Variants in MAP2K5 observed in about 807,000 individuals in gnomAD.
MAP2K5 encodes dual specificity mitogen-activated protein kinase kinase 5.
A neutral mutation model predicts 83.1 loss-of-function variants in MAP2K5; 49 were observed. That is an observed-to-expected ratio of 0.59 (90% CI 0.47 to 0.75). MAP2K5 has a LOEUF of 0.75. Among genes scored for constraint, MAP2K5 ranks in the 30% least tolerant of loss-of-function variants. The pLI, the probability that MAP2K5 is intolerant of heterozygous loss-of-function variation, is 0.00. For missense variants in MAP2K5, 457 were observed against 557.5 expected (o/e 0.82, Z 1.82); for synonymous variants, 202 against 191.8 (o/e 1.05, Z -0.44).
At position 67,777,009 on chromosome 15, in the gene MAP2K5, A is replaced by G. The variant is rs1388963031; in HGVS notation, c.1242+4257A>G. ...ATGTGGAGATGTTTCTTTTCATCCA[A>G]AAACAGGAATTCATGACTGCTACAT... is the stretch of plus-strand genomic sequence containing the variant. On this transcript the variant is annotated intron_variant, in intron 21 of 21. Coordinates refer to ENST00000178640, the MANE Select transcript of MAP2K5 (RefSeq NM_145160.3). The surrounding 1 kb of genome is among the most constrained non-coding windows in gnomAD (Gnocchi z 6.0). Among the ~76,000 whole-genome samples, 1 of 152,214 alleles carries G rather than the reference A, an allele frequency of 6.6e-6. No individual in the cohort carries two copies. The highest frequency in any genetic ancestry group is 1.5e-5 in the Non-Finnish European group (1 of 68,044).
intron 5 of MAP2K5, 48 bp from the exon 6 acceptor site, chr15:67,586,798 T>A: frequency 6.5e-7 from 1 of 1,547,122 alleles, no homozygotes; most frequent in Non-Finnish European, 8.9e-7. Flanking sequence ...TAATTAGAAC[T>A]GTGTCCTCAG....
intron 2 of MAP2K5, among the ~76,000 whole-genome samples, chr15:67,557,210 G>A (rs1225299435): frequency 6.6e-6 from 1 of 152,168 alleles, no homozygotes; most frequent in East Asian, 1.9e-4. Context: ...TGTTACTTGT[G>A]TTCCTCTGCC....
intron 21 of MAP2K5, among the ~76,000 whole-genome samples, chr15:67,792,389 A>G (rs569495591): frequency 7.9e-5 from 12 of 152,178 alleles, no homozygotes; most frequent in Non-Finnish European, 1.3e-4. Flanking sequence ...CAGGGGTTAA[A>G]TCTGTCTTTG....
At chr15:67,804,935 G>C (rs1597001769) in intron 21 of MAP2K5, among the ~76,000 whole-genome samples, 1 of 152,132 alleles carries the variant, frequency 6.6e-6, no homozygotes, top group East Asian at 1.9e-4. Context: ...GTCCTTCCTG[G>C]GCCTCTCCTG....
chr15:67,679,569 ATCTT>A (rs1256049708), intron 13 of MAP2K5: 1 of 152,196 alleles, frequency 6.6e-6, no homozygotes, highest in African/African-American at 2.4e-5. Context: ...TAAAATTAAT[ATCTT>A]TCTTTAAATA....
At chr15:67,550,777 C>CT (rs11334748) in intron 2 of MAP2K5, among the ~76,000 whole-genome samples, 4 of 135,760 alleles carry the variant, frequency 2.9e-5, no homozygotes, top group East Asian at 2.1e-4. Flanking sequence ...TTTCTTTTTT[C>CT]TTTTTTTTTT....
rs754724868 is a variant in MAP2K5, at chr15:67,628,143, G to A, written c.546-2745G>A. The A allele has an allele frequency of 1.9e-4, 185 of 974,204 alleles. 1 individual carries two copies. Among genetic ancestry groups the A allele is most frequent in the African/African-American group, 4.3e-4 (26 of 60,848 alleles). 60.3% of individuals were successfully genotyped at this position (974,204 alleles called of 1,614,324 possible). A position where few individuals can be genotyped will look rare whatever the true frequency, so the allele number is the denominator to read the frequency against. On this transcript the variant is annotated intron_variant, in intron 8 of 21. Transcript: ENST00000178640. Reference sequence around the variant, plus strand: ...CTCAAGAGGAGATTCTCAAAGACCCGGTGCCCACTTAACTGTGAAAAAGAT... The same window carrying A: ...CTCAAGAGGAGATTCTCAAAGACCCAGTGCCCACTTAACTGTGAAAAAGAT...
At chr15:67,766,032 C>T (rs1225139021) in intron 19 of MAP2K5, among the ~76,000 whole-genome samples, 1 of 152,192 alleles carries the variant, frequency 6.6e-6, no homozygotes, top group African/African-American at 2.4e-5. Flanking sequence ...TAGCATGCTG[C>T]GTGCTTGTGT....
At chr15:67,579,749 A>G (rs1355002798) in intron 3 of MAP2K5, among the ~76,000 whole-genome samples, 1 of 152,226 alleles carries the variant, frequency 6.6e-6, no homozygotes, top group African/African-American at 2.4e-5. Flanking sequence ...TAAAAGCAAT[A>G]GGAAGATATA....
At position 67,640,700 on chromosome 15, in the gene MAP2K5, A is replaced by G. The variant is rs147562231; in HGVS notation, c.586-5531A>G. On this transcript the variant is annotated intron_variant, in intron 9 of 21. Coordinates refer to ENST00000178640, the MANE Select transcript of MAP2K5 (RefSeq NM_145160.3). The surrounding 1 kb of genome is among the most constrained non-coding windows in gnomAD (Gnocchi z 4.6). Reference sequence around the variant, plus strand: ...TGAAAATCTGTTGCTTTTCCTACTCAAAATGTTTCTCATGTTATGCTTCTA... The same window carrying G: ...TGAAAATCTGTTGCTTTTCCTACTCGAAATGTTTCTCATGTTATGCTTCTA... The G allele has an allele frequency of 2.4e-6, 1 of 414,582 alleles. No individual in the cohort carries two copies. The highest frequency in any genetic ancestry group is 6.4e-5 in the Admixed American group (1 of 15,568). 25.7% of individuals were successfully genotyped at this position (414,582 alleles called of 1,614,324 possible).
At chr15:67,776,737 T>C (rs150412160) in intron 21 of MAP2K5, among the ~76,000 whole-genome samples, 1 of 152,342 alleles carries the variant, frequency 6.6e-6, no homozygotes, top group African/African-American at 2.4e-5. Context: ...TTTGCTTCTC[T>C]AAACCACAAG....
At chr15:67,762,368 A>C (rs377010602) in intron 19 of MAP2K5, among the ~76,000 whole-genome samples, 69 of 152,318 alleles carry the variant, frequency 4.5e-4, no homozygotes, top group African/African-American at 1.6e-3. Context: ...GCTGATGACC[A>C]ACAAGAGACC....
intron 21 of MAP2K5, among the ~76,000 whole-genome samples, chr15:67,805,804 A>G (rs185377252): frequency 7.9e-4 from 120 of 152,348 alleles, no homozygotes; most frequent in Non-Finnish European, 1.1e-3. Context: ...AGGAAGAAAA[A>G]GAAGGCTTTT....
chr15:67,621,369 G>A (rs567879571), intron 8 of MAP2K5, among the ~76,000 whole-genome samples: 1 of 142,674 alleles, frequency 7.0e-6, no homozygotes, highest in South Asian at 2.2e-4. Flanking sequence ...AGAAAATCAA[G>A]AAGGTGGGAC....
rs999434462 is a variant in MAP2K5 at position 67,755,029 on chromosome 15, C to T, written c.1134+6428C>T. Among the ~76,000 whole-genome samples the T allele has an allele frequency of 1.3e-5, 2 of 152,120 alleles. No individual in the cohort carries two copies. Among genetic ancestry groups the T allele is most frequent in the African/African-American group, 4.8e-5 (2 of 41,408 alleles). On this transcript the variant is annotated intron_variant, in intron 19 of 21. Coordinates refer to ENST00000178640, the MANE Select transcript of MAP2K5 (RefSeq NM_145160.3). This position sits in a 1 kb window ranked among gnomAD's most constrained non-coding sequence, Gnocchi z 4.7. ...CTCTGTTTGCCCAGGCTAGAGTGTG[C>T]AGTGGCACAATCTTGGCTCACTGCA...
chr15:67,610,207 A>G (rs2085886876), intron 8 of MAP2K5, among the ~76,000 whole-genome samples: 2 of 152,208 alleles, frequency 1.3e-5, no homozygotes, highest in Non-Finnish European at 2.9e-5. Context: ...TTTGAAAGTC[A>G]ATGATGTATC....
intron 13 of MAP2K5, among the ~76,000 whole-genome samples, chr15:67,681,449 T>C (rs900885281): frequency 6.6e-6 from 1 of 152,208 alleles, no homozygotes; most frequent in African/African-American, 2.4e-5. Context: ...ATCACTCTGC[T>C]TCCTTTAAGG....
chr15:67,669,989 G>A (rs1430645792), intron 13 of MAP2K5, among the ~76,000 whole-genome samples: 1 of 152,102 alleles, frequency 6.6e-6, no homozygotes, highest in East Asian at 1.9e-4. Context: ...AAAAACTTTA[G>A]GCAACTCTTT....
chr15:67,623,154 T>G (rs1344141016), intron 8 of MAP2K5, among the ~76,000 whole-genome samples: 1 of 152,266 alleles, frequency 6.6e-6, no homozygotes, highest in African/African-American at 2.4e-5. Context: ...TTAGGGTAGC[T>G]TATGCCTCAT....
Sources: gnomAD v4.1 joint callset for allele counts (sites outside exome capture counted in the v4.1 genomes callset) on GRCh38, gnomAD v4.1.1 for gene constraint, Gnocchi (gnomAD v3.1) non-coding constraint, MANE v1.5 for transcripts, NCBI Gene and HGNC (gene_info 2026-07-23, HGNC 2026-07-21) for gene names.